Variants in ZNF347 observed in about 807,000 individuals in gnomAD.
ZNF347 encodes the protein zinc finger protein 347, also known as CTD-2620I22.7.
ZNF347 carries 19 observed loss-of-function variants against 12.9 expected under a neutral mutation model. That is an observed-to-expected ratio of 1.47 (90% CI 1.03 to 2.16). The LOEUF is 2.16. ZNF347 is among the 30% of genes most tolerant of loss of function. ZNF347 has a pLI of 0.00. For missense variants in ZNF347, 1,005 were observed against 990.6 expected (o/e 1.01, Z -0.19); for synonymous variants, 328 against 340.6 (o/e 0.96, Z 0.41).
At chr19:53,147,024 C>T (rs181958096) in intron 4 of ZNF347, among the ~76,000 whole-genome samples, 2 of 152,026 alleles carry the variant, frequency 1.3e-5, no homozygotes, top group African/African-American at 4.8e-5. Context: ...CTGCTTGATG[C>T]CAGAAGTTTG....
Position 53,153,695 on chromosome 19 carries a change from A to G in ZNF347, c.15+38T>C, listed in dbSNP as rs2090513610. 3.1e-6 allele frequency: 5 copies of G among 1,608,642 alleles called. No homozygotes were observed. In the African/African-American group the frequency reaches 4.0e-5, roughly 13 times the overall value. ...TCAAAGAATGACATTTCAAGAAGAA[A>G]TAAGAGACAGAACAATCCACTGATA... On this transcript the variant is annotated intron_variant, in intron 2 of 4. Coordinates refer to ENST00000334197, the MANE Select transcript of ZNF347 (RefSeq NM_032584.3).
At chr19:53,158,108 C>A (rs905566631) in intron 1 of ZNF347, among the ~76,000 whole-genome samples, 8 of 152,216 alleles carry the variant, frequency 5.3e-5, no homozygotes, top group Middle Eastern at 3.2e-3. Context: ...ACGCCTGCAT[C>A]TTGGAGGAGC....
At chr19:53,155,191 G>A (rs1234491706) in intron 1 of ZNF347, among the ~76,000 whole-genome samples, 3 of 151,924 alleles carry the variant, frequency 2.0e-5, no homozygotes, top group African/African-American at 7.3e-5. Flanking sequence ...ACCTGCCTTG[G>A]CCTCTCAAAG....
chr19:53,140,986 C>A lies in ZNF347; in HGVS notation c.1842G>T (p.Arg614Ser). The A allele has an allele frequency of 6.2e-7, 1 of 1,612,720 alleles. No homozygotes were observed. Among genetic ancestry groups the A allele is most frequent in the Non-Finnish European group, 8.5e-7 (1 of 1,179,824 alleles). ...KVFRHNSYLS[R>S]HQRIHTGEKP... is the part of the protein sequence containing the mutation. ...TCTCTCCAGTATGAATTCGCTGATG[C>A]CTTGAAAGGTATGAATTATGCCTAA... Residue 614 changes from arginine (R) to serine (S), a missense_variant, in exon 5 of 5, where the codon AGG (arginine) becomes AGT (serine). Physicochemically the swap from Arg to Ser is moderately radical, Grantham distance 110. Transcript: ENST00000334197.
chr19:53,140,783 T>C lies in ZNF347; in HGVS notation c.2045A>G (p.Gln682Arg), dbSNP rs762824678. The C allele has an allele frequency of 1.9e-6, 3 of 1,613,190 alleles. No homozygotes were observed. The highest frequency in any genetic ancestry group is 2.5e-6 in the Non-Finnish European group (3 of 1,179,458). Reference sequence around the variant, plus strand: ...AAAGGCTTTGCCACATTCATTACACTGGTAAGGTTTACCTCCAGTATGAAC... The same window carrying C: ...AAAGGCTTTGCCACATTCATTACACCGGTAAGGTTTACCTCCAGTATGAAC... ...RRVHTGGKPY[Q>R]CNECGKAFSQ... The change falls in exon 5 of 5, where the codon CAG becomes CGG. Residue 682 changes from glutamine to arginine, a missense_variant. Gln to Arg is a conservative substitution (Grantham distance 43). Coordinates refer to ENST00000334197, the MANE Select transcript of ZNF347 (RefSeq NM_032584.3).
intron 2 of ZNF347, among the ~76,000 whole-genome samples, chr19:53,152,758 G>A (rs1014073173): frequency 2.4e-4 from 36 of 150,642 alleles, no homozygotes; most frequent in African/African-American, 8.6e-4. Context: ...GTGAAACCCC[G>A]TCTCTATTAA....
intron 4 of ZNF347, among the ~76,000 whole-genome samples, chr19:53,145,290 G>GAAA (rs35614813): frequency 3.2e-5 from 4 of 124,116 alleles, no homozygotes; most frequent in African/African-American, 9.2e-5. Flanking sequence ...AGTCTGTCTA[G>GAAA]AAAAAAAAAA....
chr19:53,149,714 G>A (rs1168026659), intron 2 of ZNF347, among the ~76,000 whole-genome samples: 1 of 152,122 alleles, frequency 6.6e-6, no homozygotes, highest in Non-Finnish European at 1.5e-5. Context: ...CTGAAGGCTC[G>A]GCTGATCACC....
intron 1 of ZNF347, among the ~76,000 whole-genome samples, chr19:53,157,034 C>T (rs2090540339): frequency 1.3e-5 from 2 of 152,090 alleles, no homozygotes; most frequent in Admixed American, 1.3e-4. Context: ...ATTTTTTCCT[C>T]TTAGTTCATA....
In ZNF347 at chr19:53,138,183, T is replaced by C. The variant is rs10405861; in HGVS notation, c.*2125A>G. ...CAGGCTGGAGTGCAATGGCGCGATC[T>C]TGGCTCACTGCAACCTCTGCCTCCA... On this transcript the variant is annotated 3_prime_UTR_variant, in exon 5 of 5. Transcript: ENST00000334197. 24,333 of 152,244 alleles carry C rather than the reference T, an allele frequency of 0.16. 2,437 individuals are homozygous for C. Among genetic ancestry groups the C allele is most frequent in the African/African-American group, 0.28 (11,493 of 41,392 alleles). 9.4% of individuals were successfully genotyped at this position (152,244 alleles called of 1,614,324 possible). A position where few individuals can be genotyped will look rare whatever the true frequency, so the allele number is the denominator to read the frequency against.
chr19:53,141,181 G>A lies in ZNF347; in HGVS notation c.1647C>T (p.Ala549=). The change falls in exon 5 of 5, where the codon GCC becomes GCT. Residue 549 remains alanine (A), a synonymous_variant. Coordinates refer to ENST00000334197, the MANE Select transcript of ZNF347 (RefSeq NM_032584.3). ...TAGTTAGGCTTGAATACACACTGAA[G>A]GCTTTGCCGCACTCATTACACATAT... ...KPYMCNECGK[A]FSVYSSLTTH... 6.2e-7 allele frequency: 1 copy of A among 1,608,728 alleles called. No homozygotes were observed.
intron 1 of ZNF347, among the ~76,000 whole-genome samples, chr19:53,155,597 A>C (rs1166064679): frequency 1.3e-5 from 2 of 152,098 alleles, no homozygotes; most frequent in Non-Finnish European, 2.9e-5. Flanking sequence ...GGCCTCTGAA[A>C]GTGTTGTGAT....
chr19:53,156,389 C>A (rs549283806), intron 1 of ZNF347, among the ~76,000 whole-genome samples: 3 of 150,150 alleles, frequency 2.0e-5, no homozygotes, highest in African/African-American at 7.4e-5. Context: ...GACAACAGAG[C>A]GAGACTGTTT....
chr19:53,143,594 A>G (rs1366275360), intron 4 of ZNF347, among the ~76,000 whole-genome samples: 2 of 151,828 alleles, frequency 1.3e-5, no homozygotes, highest in South Asian at 2.1e-4. Flanking sequence ...TCCATGGTGT[A>G]TATGTGCCAC....
intron 2 of ZNF347, among the ~76,000 whole-genome samples, chr19:53,152,027 A>G (rs2146811144): frequency 7.0e-6 from 1 of 143,536 alleles, no homozygotes; most frequent in South Asian, 2.2e-4. Flanking sequence ...CGGGAGGCAG[A>G]GATTGCAGTG....
intron 1 of ZNF347, among the ~76,000 whole-genome samples, chr19:53,154,758 T>C (rs2090520864): frequency 6.6e-6 from 1 of 150,418 alleles, no homozygotes; most frequent in African/African-American, 2.5e-5. Flanking sequence ...CACTGGTAAA[T>C]GAAAAAGAAA....
Position 53,142,119 on chromosome 19 carries a change from T to C in ZNF347, c.709A>G (p.Lys237Glu). Residue 237 changes from lysine (K) to glutamate (E), a missense_variant, in exon 5 of 5, where the codon AAA (lysine) becomes GAA (glutamate). Transcript: ENST00000334197. The stretch of plus-strand genomic sequence containing the variant: ...GAAGAGATAAAATCTTTGAGATATT[T>C]CTTAGAAATGTGGGTTTTGACATTA... ...PYNVKTHISKKYLKDFISSLL... is the reference protein window; with the variant it reads ...PYNVKTHISKEYLKDFISSLL... The C allele has an allele frequency of 6.2e-7, 1 of 1,613,058 alleles. No homozygotes were observed. The highest frequency in any genetic ancestry group is 8.5e-7 in the Non-Finnish European group (1 of 1,179,760).
chr19:53,142,461 T>C lies in ZNF347; in HGVS notation c.367A>G (p.Ser123Gly). The C allele has an allele frequency of 6.2e-7, 1 of 1,614,092 alleles. No individual in the cohort carries two copies. Among genetic ancestry groups the C allele is most frequent in the East Asian group, 2.2e-5 (1 of 44,864 alleles). Reference protein sequence around the residue: ...FQTVMLERQESQDIEGCSFRE... With the variant: ...FQTVMLERQEGQDIEGCSFRE... ...AAGGAACATCCTTCAATGTCTTGGC[T>C]TTCCTGTCTTTCCAACATCACTGTT... The change falls in exon 5 of 5, where the codon AGC becomes GGC. Residue 123 changes from serine (S) to glycine (G), a missense_variant. Coordinates refer to ENST00000334197, the MANE Select transcript of ZNF347 (RefSeq NM_032584.3).
In ZNF347 at chr19:53,141,485, A is replaced by C; in HGVS notation, c.1343T>G (p.Leu448Arg). Residue 448 changes from leucine to arginine, a missense_variant, in exon 5 of 5, where the codon CTG (leucine) becomes CGG (arginine). Leu to Arg is a moderately radical substitution (Grantham distance 102). Coordinates refer to ENST00000334197, the MANE Select transcript of ZNF347 (RefSeq NM_032584.3). ...FGVRSSLAIH[L>R]VIHTGEKPYK... is the part of the protein sequence containing the mutation. ...AGGCTTTTCTCCGGTGTGAATTACCAGATGAATAGCTAGGCTTGAACGAAC... is the reference window on the plus strand; with the variant it reads ...AGGCTTTTCTCCGGTGTGAATTACCCGATGAATAGCTAGGCTTGAACGAAC... 6.2e-7 allele frequency: 1 copy of C among 1,612,428 alleles called. No individual in the cohort carries two copies. The highest frequency in any genetic ancestry group is 8.5e-7 in the Non-Finnish European group (1 of 1,179,600).
Sources: gnomAD v4.1 joint callset for allele counts (sites outside exome capture counted in the v4.1 genomes callset) on GRCh38, gnomAD v4.1.1 for gene constraint, MANE v1.5 for transcripts, NCBI Gene and HGNC (gene_info 2026-07-23, HGNC 2026-07-21) for gene names.